CAMSAP3: variants seen among roughly 807,000 people sequenced by gnomAD.
CAMSAP3 encodes calmodulin-regulated spectrin-associated protein 3.
A neutral mutation model predicts 112.5 loss-of-function variants in CAMSAP3; 34 were observed. That is an observed-to-expected ratio of 0.30 (90% CI 0.23 to 0.40). The LOEUF (loss-of-function observed/expected upper bound fraction) is 0.40, where lower values mean the gene tolerates loss of function less well. CAMSAP3 is among the 10% of genes least tolerant of loss of function. The pLI, the probability that CAMSAP3 is intolerant of heterozygous loss-of-function variation, is 1.00. For missense variants in CAMSAP3, 1,602 were observed against 1,770.3 expected, an observed-to-expected ratio of 0.90 and a Z score of 1.71; for synonymous variants, 868 against 799.8, an observed-to-expected ratio of 1.09 and a Z score of -1.44.
At position 7,610,361 on chromosome 19, in the gene CAMSAP3, A is replaced by T; in HGVS notation, c.761-115A>T. 2.3e-6 allele frequency: 2 copies of T among 880,268 alleles called. No individual in the cohort carries two copies. The highest frequency in any genetic ancestry group is 3.5e-6 in the Non-Finnish European group (2 of 574,022). 54.5% of individuals were successfully genotyped at this position (880,268 alleles called of 1,614,324 possible). ...ATTCACCTCTCGAAGGGCACCTGGCAGAAGCTGGGCTCATAGGAGGTCTTC... is the reference window on the plus strand; with the variant it reads ...ATTCACCTCTCGAAGGGCACCTGGCTGAAGCTGGGCTCATAGGAGGTCTTC... On this transcript the variant is annotated intron_variant, in intron 5 of 16. Transcript: ENST00000160298. This position sits in a 1 kb window ranked among gnomAD's most constrained non-coding sequence, Gnocchi z 4.9.
At chr19:7,600,371 C>T (rs1599342416) in intron 1 of CAMSAP3, among the ~76,000 whole-genome samples, 1 of 4,876 alleles carries the variant, frequency 2.1e-4, no homozygotes. Context: ...ACCCATCCAC[C>T]CATCCGTCCA....
At position 7,615,069 on chromosome 19, in the gene CAMSAP3, C is replaced by T. The variant is rs2146175142; in HGVS notation, c.2671-114C>T. The T allele has an allele frequency of 7.7e-7, 1 of 1,294,750 alleles. No homozygotes were observed. 80.2% of individuals were successfully genotyped at this position (1,294,750 alleles called of 1,614,324 possible). On this transcript the variant is annotated intron_variant, in intron 11 of 16. Transcript: ENST00000160298. This position sits in a 1 kb window ranked among gnomAD's most constrained non-coding sequence, Gnocchi z 6.5. The stretch of plus-strand genomic sequence containing the variant: ...AGGCACCAACTAAGTGCATTTAGAA[C>T]AATGATGAAAACAAAAGCACAGGTG...
rs1289600071 is a variant in CAMSAP3 at position 7,613,165 on chromosome 19, T to C, written c.2670+2T>C. ...GTGGGGCTGGGGTTCTTCTACAAGG[T>C]GAGTCCCCGAGCAGGTGGCTGGAGG... On this transcript the variant is annotated splice_donor_variant, in intron 11 of 16. Coordinates refer to ENST00000160298, the MANE Select transcript of CAMSAP3 (RefSeq NM_020902.2). LOFTEE classifies it high-confidence loss of function. 2.2e-6 allele frequency: 3 copies of C among 1,386,840 alleles called. No homozygotes were observed. In the African/African-American group the frequency reaches 5.4e-5, roughly 25 times the overall value. 85.9% of individuals were successfully genotyped at this position (1,386,840 alleles called of 1,614,324 possible).
At chr19:7,608,969 G>T (rs144433796) in intron 5 of CAMSAP3, among the ~76,000 whole-genome samples, 2,872 of 152,010 alleles carry the variant, frequency 0.019, 147 homozygotes, top group Admixed American at 0.12. Flanking sequence ...AGTCCTAAAG[G>T]CAATGGGTGG....
rs2030284353 is a variant in CAMSAP3 at position 7,607,639 on chromosome 19, CTG to C, written c.622-484_622-483del. ...CCCCGCATAAGAGGGGGTTCCTACTCTGTGGGGTCCCTTGGGGCTGGGAGGAG... is the reference window on the plus strand; with the variant it reads ...CCCCGCATAAGAGGGGGTTCCTACTCTGGGGTCCCTTGGGGCTGGGAGGAG... On this transcript the variant is annotated intron_variant, in intron 4 of 16. Transcript: ENST00000160298. The surrounding 1 kb of genome is among the most constrained non-coding windows in gnomAD (Gnocchi z 4.9). Among the ~76,000 whole-genome samples the C allele has an allele frequency of 1.3e-5, 2 of 152,106 alleles. No homozygotes were observed. Among genetic ancestry groups the C allele is most frequent in the Admixed American group, 1.3e-4 (2 of 15,278 alleles).
In CAMSAP3 at chr19:7,612,719, G is replaced by A. The variant is rs769910686; in HGVS notation, c.2226G>A (p.Ala742=). 1.3e-6 allele frequency: 2 copies of A among 1,529,552 alleles called. No individual in the cohort carries two copies. The highest frequency in any genetic ancestry group is 1.2e-5 in the South Asian group (1 of 83,596). The allele number at this position is 1,529,552 out of a possible 1,614,324, so 94.7% of individuals were successfully genotyped here. A position where few individuals can be genotyped will look rare whatever the true frequency, so the allele number is the denominator to read the frequency against. ...EAPGSAPPPA[A]WVIPGPTTGP... is the part of the protein sequence containing the mutation. ...CCGGATCCGCCCCACCACCTGCTGC[G>A]TGGGTCATCCCTGGCCCCACGACGG... is the stretch of plus-strand genomic sequence containing the variant. The change falls in exon 11 of 17, where the codon GCG becomes GCA. Residue 742 remains alanine, a synonymous_variant. Coordinates refer to ENST00000160298, the MANE Select transcript of CAMSAP3 (RefSeq NM_020902.2).
In CAMSAP3 at chr19:7,618,176, G is replaced by A; in HGVS notation, c.*119G>A. 8.8e-7 allele frequency: 1 copy of A among 1,138,462 alleles called. No individual in the cohort carries two copies. Among genetic ancestry groups the A allele is most frequent in the Non-Finnish European group, 1.2e-6 (1 of 817,328 alleles). 70.5% of individuals were successfully genotyped at this position (1,138,462 alleles called of 1,614,324 possible). A position where few individuals can be genotyped will look rare whatever the true frequency, so the allele number is the denominator to read the frequency against. ...CCAACCGTGTCTGGGTGGGGCTGGA[G>A]TCTCCACCCTCTGACTTTGAGTCCA... On this transcript the variant is annotated 3_prime_UTR_variant, in exon 17 of 17. Coordinates refer to ENST00000160298, the MANE Select transcript of CAMSAP3 (RefSeq NM_020902.2).
Position 7,615,644 on chromosome 19 carries a change from C to A in CAMSAP3, c.3037C>A (p.Arg1013=). ...GTCCGGGGGTCCAGGTCGGGGCGGG[C>A]GGAGGGCCACCCGGCCTCGCTCGGG... ...AGSGGPGRGG[R]RATRPRSGCC... is the part of the protein sequence containing the mutation. Residue 1013 remains arginine, a synonymous_variant, in exon 13 of 17, where the codon CGG becomes AGG. Transcript: ENST00000160298. The surrounding 1 kb of genome is among the most constrained non-coding windows in gnomAD (Gnocchi z 6.5). 7.0e-7 allele frequency: 1 copy of A among 1,428,740 alleles called. No homozygotes were observed. The allele number at this position is 1,428,740 out of a possible 1,614,324, so 88.5% of individuals were successfully genotyped here. A position where few individuals can be genotyped will look rare whatever the true frequency, so the allele number is the denominator to read the frequency against.
At position 7,612,612 on chromosome 19, in the gene CAMSAP3, A is replaced by G. The variant is rs2030560200; in HGVS notation, c.2119A>G (p.Ser707Gly). Residue 707 changes from serine (S) to glycine (G), a missense_variant, in exon 11 of 17, where the codon AGT becomes GGT. Transcript: ENST00000160298. ...GEYNRAVSKL[S>G]AALSSLQRDM... is the part of the protein sequence containing the mutation. ...ATACAATCGAGCGGTCAGCAAGCTG[A>G]GTGCCGCCTTGAGCTCGCTGCAGCG... The G allele has an allele frequency of 6.5e-7, 1 of 1,529,646 alleles. No homozygotes were observed. The highest frequency in any genetic ancestry group is 8.8e-7 in the Non-Finnish European group (1 of 1,141,870). The allele number at this position is 1,529,646 out of a possible 1,614,324, so 94.8% of individuals were successfully genotyped here.
Position 7,615,920 on chromosome 19 carries a change from T to C in CAMSAP3, c.3112+201T>C, listed in dbSNP as rs1294568988. Among the ~76,000 whole-genome samples, 1 of 151,926 alleles carries C rather than the reference T, an allele frequency of 6.6e-6. No homozygotes were observed. The highest frequency in any genetic ancestry group is 1.9e-4 in the East Asian group (1 of 5,176). On this transcript the variant is annotated intron_variant, in intron 13 of 16. Coordinates refer to ENST00000160298, the MANE Select transcript of CAMSAP3 (RefSeq NM_020902.2). The surrounding 1 kb of genome is among the most constrained non-coding windows in gnomAD (Gnocchi z 6.5). ...GACTTCCATAGGGGGCCGGGCGCGG[T>C]GGCTCACGCCTGTAATCCCAGCACT...
At chr19:7,602,043 G>T (rs2058613262) in intron 1 of CAMSAP3, among the ~76,000 whole-genome samples, 1 of 151,590 alleles carries the variant, frequency 6.6e-6, no homozygotes, top group African/African-American at 2.4e-5. Flanking sequence ...CAGCCTGGGT[G>T]ACAGAGCAAG....
Position 7,610,333 on chromosome 19 carries a change from A to AT in CAMSAP3, c.761-143_761-142insT. 3.0e-6 allele frequency: 2 copies of AT among 667,534 alleles called. No individual in the cohort carries two copies. Among genetic ancestry groups the AT allele is most frequent in the Non-Finnish European group, 5.0e-6 (2 of 403,632 alleles). 41.4% of individuals were successfully genotyped at this position (667,534 alleles called of 1,614,324 possible). A position where few individuals can be genotyped will look rare whatever the true frequency, so the allele number is the denominator to read the frequency against. On this transcript the variant is annotated intron_variant, in intron 5 of 16. Transcript: ENST00000160298. The surrounding 1 kb of genome is among the most constrained non-coding windows in gnomAD (Gnocchi z 4.9). ...ACTCCATCTCAAAAAAAAAAAAAAA[A>AT]GAATTCACCTCTCGAAGGGCACCTG... is the stretch of plus-strand genomic sequence containing the variant.
At chr19:7,597,718 T>C (rs760736652) in intron 1 of CAMSAP3, among the ~76,000 whole-genome samples, 27 of 152,200 alleles carry the variant, frequency 1.8e-4, no homozygotes, top group Non-Finnish European at 3.4e-4. Context: ...GCTGGTGTGA[T>C]TGGCGGTGGT....
rs778430046 is a variant in CAMSAP3 at position 7,617,322 on chromosome 19, G to A, written c.3213-4G>A. On this transcript the variant is annotated splice_polypyrimidine_tract_variant and splice_region_variant and intron_variant, in intron 14 of 16. Transcript: ENST00000160298. The surrounding 1 kb of genome is among the most constrained non-coding windows in gnomAD (Gnocchi z 7.5). ...ACCTCCATCCCATCCTTCTCCCACT[G>A]CAGGGCTCCCTCCCCGTCAGGTCTC... The A allele has an allele frequency of 1.2e-6, 2 of 1,610,076 alleles. No individual in the cohort carries two copies. The highest frequency in any genetic ancestry group is 3.3e-5 in the Admixed American group (2 of 59,996).
At position 7,596,090 on chromosome 19, in the gene CAMSAP3, T is replaced by C; in HGVS notation, c.88T>C (p.Ser30Pro). 8.0e-7 allele frequency: 1 copy of C among 1,257,318 alleles called. No homozygotes were observed. The highest frequency in any genetic ancestry group is 1.0e-6 in the Non-Finnish European group (1 of 972,716). 77.9% of individuals were successfully genotyped at this position (1,257,318 alleles called of 1,614,324 possible). A position where few individuals can be genotyped will look rare whatever the true frequency, so the allele number is the denominator to read the frequency against. The change falls in exon 1 of 17, where the codon TCG becomes CCG. Residue 30 changes from serine (S) to proline (P), a missense_variant. Transcript: ENST00000160298. ...EIKSLDQYDF[S>P]RAKAAASLAW... ...CAAGTCGCTGGACCAGTACGATTTCTCGCGGGCCAAGGCGGCGGCCAGCCT... is the reference window on the plus strand; with the variant it reads ...CAAGTCGCTGGACCAGTACGATTTCCCGCGGGCCAAGGCGGCGGCCAGCCT...
Position 7,607,724 on chromosome 19 carries a change from C to T in CAMSAP3, c.622-402C>T. ...GGAGCTGGACGGCCGGGGCTCAGGA[C>T]CAGGGTCAGGGCTACCCCCTCCCCC... is the stretch of plus-strand genomic sequence containing the variant. On this transcript the variant is annotated intron_variant, in intron 4 of 16. Coordinates refer to ENST00000160298, the MANE Select transcript of CAMSAP3 (RefSeq NM_020902.2). This position sits in a 1 kb window ranked among gnomAD's most constrained non-coding sequence, Gnocchi z 4.9. 2.0e-6 allele frequency: 1 copy of T among 492,114 alleles called. No individual in the cohort carries two copies. Among genetic ancestry groups the T allele is most frequent in the South Asian group, 3.3e-5 (1 of 30,190 alleles). 30.5% of individuals were successfully genotyped at this position (492,114 alleles called of 1,614,324 possible).
In CAMSAP3 at chr19:7,612,097, G is replaced by A. The variant is rs750165155; in HGVS notation, c.1604G>A (p.Gly535Glu). Residue 535 changes from glycine (G) to glutamate (E), a missense_variant, in exon 11 of 17, where the codon GGG (glycine) becomes GAG (glutamate). By Grantham distance (98) the Gly-to-Glu change is moderately conservative. This residue lies in a region of CAMSAP3 where 1,100 missense variants were observed against 1,135.7 expected (regional missense o/e 0.97). Transcript: ENST00000160298. The stretch of plus-strand genomic sequence containing the variant: ...TCGAAACCATCTCCCTGTCTGGTGG[G>A]GGAGGCATCGAAACCGCCAGCCCCA... ...TPSKPSPCLV[G>E]EASKPPAPSE... The A allele has an allele frequency of 3.7e-6, 6 of 1,609,844 alleles. No homozygotes were observed. Among genetic ancestry groups the A allele is most frequent in the Non-Finnish European group, 5.1e-6 (6 of 1,177,386 alleles).
At chr19:7,597,927 C>T (rs541123166) in intron 1 of CAMSAP3, among the ~76,000 whole-genome samples, 1 of 152,224 alleles carries the variant, frequency 6.6e-6, no homozygotes, top group Non-Finnish European at 1.5e-5. Context: ...CTGCCTCTAC[C>T]GTGAGGGTCA....
At chr19:7,616,332 GCTGCTCCCCACTTGC>G in intron 13 of CAMSAP3, 176 bp from the exon 14 acceptor site, 1 of 568,396 alleles carries the variant, frequency 1.8e-6, no homozygotes, top group Admixed American at 3.0e-5. Context: ...CTGACCCAGT[GCTGCTCCCCACTTGC>G]CTGCTGGGCA....
Sources: allele counts gnomAD v4.1 joint callset (sites outside exome capture counted in the v4.1 genomes callset), GRCh38; gene constraint gnomAD v4.1.1; regional missense constraint gnomAD v4.1.1; non-coding constraint Gnocchi (gnomAD v3.1); transcripts MANE v1.5; gene names NCBI Gene and HGNC (gene_info 2026-07-23, HGNC 2026-07-21).